The following COL4A5 variants were observed in gnomAD, a reference collection of about 807,000 sequenced individuals.
COL4A5 encodes collagen alpha-5(IV) chain.
Under a neutral mutation model 130.2 loss-of-function variants are expected in COL4A5, and 26 were observed. The ratio of observed to expected loss-of-function variants is 0.20; its 90% CI spans 0.15 to 0.28. The LOEUF (loss-of-function observed/expected upper bound fraction) is 0.28, where lower values mean the gene tolerates loss of function less well. Ranked by LOEUF, COL4A5 falls within the 10% of genes least tolerant of loss-of-function variation. The pLI is 1.00. For missense variants in COL4A5, 1,131 were observed against 1,344.3 expected (o/e 0.84, Z 2.48); for synonymous variants, 496 against 439.6 (o/e 1.13, Z -1.60).
chrX:108,607,311 A>G (rs1439849167), intron 29 of COL4A5, among the ~76,000 whole-genome samples: 3 of 103,899 alleles, frequency 2.9e-5, no homozygotes, highest in Non-Finnish European at 5.9e-5. Flanking sequence ...AGGTTGCAGT[A>G]AGCCACTCCA....
In COL4A5 at chrX:108,571,429, C is replaced by T; in HGVS notation, c.401C>T (p.Pro134Leu). 1 of 1,204,471 alleles carries T rather than the reference C, an allele frequency of 8.3e-7. No individual in the cohort carries two copies. Among genetic ancestry groups the T allele is most frequent in the Non-Finnish European group, 1.1e-6 (1 of 889,746 alleles). ...TCCTTCTAGGGAGAACGTGGATTTC[C>T]AGGCAGTCCCGGTTTTCCTGGTTTA... Reference protein sequence around the residue: ...CNGTKGERGFPGSPGFPGLQG... With the variant: ...CNGTKGERGFLGSPGFPGLQG... The change falls in exon 7 of 53, where the codon CCA (proline) becomes CTA (leucine). Residue 134 changes from proline (P) to leucine (L), a missense_variant. By Grantham distance (98) the Pro-to-Leu change is moderately conservative. Transcript: ENST00000328300.
intron 1 of COL4A5, among the ~76,000 whole-genome samples, chrX:108,539,160 AT>A (rs755618680): frequency 8.8e-4 from 96 of 108,624 alleles, no homozygotes; most frequent in African/African-American, 3.2e-3. Context: ...GTGAGAGGTA[AT>A]TTTTTACAAG....
chrX:108,696,220 A>T, intron 52 of COL4A5, 77 bp from the exon 53 acceptor site: 1 of 821,748 alleles, frequency 1.2e-6, no homozygotes, highest in Non-Finnish European at 1.8e-6. Flanking sequence ...AAAAATGTTT[A>T]GTTATAAATT....
intron 9 of COL4A5, 51 bp from the exon 10 acceptor site, chrX:108,575,859 G>A (rs2066137484): frequency 3.4e-6 from 3 of 886,760 alleles, no homozygotes; most frequent in Middle Eastern, 2.8e-4. Flanking sequence ...AATACAATAA[G>A]GGGCTTGTTT....
At chrX:108,498,501 T>C (rs1397554316) in intron 1 of COL4A5, among the ~76,000 whole-genome samples, 1 of 111,669 alleles carries the variant, frequency 9.0e-6, no homozygotes, top group Non-Finnish European at 1.9e-5. Flanking sequence ...GTATAAATTA[T>C]ATAATCACTT....
At chrX:108,694,712 G>A (rs752681226) in intron 50 of COL4A5, 95 bp from the exon 51 acceptor site, 26 of 642,619 alleles carry the variant, frequency 4.0e-5, no homozygotes, top group Middle Eastern at 3.0e-4. Context: ...GACATTAATC[G>A]GCTTCCATAC....
chrX:108,446,292 A>G (rs1365905740), intron 1 of COL4A5, among the ~76,000 whole-genome samples: 1 of 112,297 alleles, frequency 8.9e-6, no homozygotes, highest in South Asian at 3.7e-4. Context: ...AAATGATTAC[A>G]TACAACTTGT....
chrX:108,477,868 C>T (rs73524415), intron 1 of COL4A5, among the ~76,000 whole-genome samples: 11,144 of 109,192 alleles, frequency 0.1, 1,284 homozygotes, highest in African/African-American at 0.33. Context: ...CAATTAGTCC[C>T]CATTTCTGTA....
At chrX:108,623,119 G>T (rs1407259899) in intron 33 of COL4A5, among the ~76,000 whole-genome samples, 2 of 111,935 alleles carry the variant, frequency 1.8e-5, no homozygotes, top group African/African-American at 6.5e-5. Flanking sequence ...TACAGGAAAA[G>T]GATATATAGC....
chrX:108,597,889 T>C (rs1358199044), intron 24 of COL4A5, among the ~76,000 whole-genome samples: 1 of 111,496 alleles, frequency 9.0e-6, no homozygotes, highest in African/African-American at 3.3e-5. Context: ...TATCTTTCCT[T>C]GGGTTTACTT....
intron 17 of COL4A5, among the ~76,000 whole-genome samples, chrX:108,583,608 C>A (rs2066285752): frequency 9.0e-6 from 1 of 111,052 alleles, no homozygotes; most frequent in Admixed American, 9.6e-5. Flanking sequence ...TTGAATGTAC[C>A]CAGAAGGCAC....
At position 108,490,676 on chromosome X, in the gene COL4A5, G is replaced by A. The variant is rs149831458; in HGVS notation, c.82-49070G>A. ...AATTTATCTTATTTTAGGTTTGGGG[G>A]TACATGTGAAGGTTTGTTACACAGG... On this transcript the variant is annotated intron_variant, in intron 1 of 52. Coordinates refer to ENST00000328300, the MANE Select transcript of COL4A5 (RefSeq NM_033380.3). Among the ~76,000 whole-genome samples the A allele has an allele frequency of 1.0e-3, 115 of 110,915 alleles. 3 individuals carry two copies. In the East Asian group the frequency reaches 0.031, roughly 30 times the overall value.
intron 1 of COL4A5, among the ~76,000 whole-genome samples, chrX:108,507,058 T>C (rs1422878061): frequency 9.2e-6 from 1 of 109,039 alleles, no homozygotes; most frequent in African/African-American, 3.4e-5. Context: ...ATAAATAGCC[T>C]ACCAACAAAA....
chrX:108,676,965 G>A (rs2147973874), intron 43 of COL4A5: 1 of 111,926 alleles, frequency 8.9e-6, no homozygotes, highest in East Asian at 2.8e-4. Flanking sequence ...GACTGGTCAA[G>A]TGCAGTAACG....
chrX:108,549,867 T>G (rs1015322381), intron 2 of COL4A5, among the ~76,000 whole-genome samples: 2 of 111,711 alleles, frequency 1.8e-5, no homozygotes, highest in African/African-American at 6.5e-5. Flanking sequence ...AAAAGATCAA[T>G]AAGGGACTAT....
chrX:108,591,826 C>T (rs1171327976), intron 21 of COL4A5, among the ~76,000 whole-genome samples, 182 bp downstream of exon 21: 5 of 111,189 alleles, frequency 4.5e-5, no homozygotes, highest in Non-Finnish European at 7.5e-5. Flanking sequence ...TTTTTTGGAT[C>T]GCTCTCTTCT....
chrX:108,646,213 G>A (rs796285431), intron 36 of COL4A5, among the ~76,000 whole-genome samples: 2 of 111,209 alleles, frequency 1.8e-5, no homozygotes, highest in South Asian at 3.8e-4. Context: ...AAAAGTGTTC[G>A]TATTTCTCCA....
At chrX:108,539,869 A>T (rs900543654) in intron 2 of COL4A5, 64 bp downstream of exon 2, 18 of 937,867 alleles carry the variant, frequency 1.9e-5, no homozygotes, top group Non-Finnish European at 2.6e-5. Flanking sequence ...TTTAATAAAT[A>T]TTTTTTTAAA....
At chrX:108,691,016 T>G (rs755775832) in intron 49 of COL4A5, among the ~76,000 whole-genome samples, 1 of 111,061 alleles carries the variant, frequency 9.0e-6, no homozygotes, top group African/African-American at 3.3e-5. Context: ...TGCAGCAACA[T>G]GGTTGGAACT....
Sources: allele counts gnomAD v4.1 joint callset (sites outside exome capture counted in the v4.1 genomes callset), GRCh38; gene constraint gnomAD v4.1.1; transcripts MANE v1.5; gene names NCBI Gene and HGNC (gene_info 2026-07-23, HGNC 2026-07-21).